Variants in DST observed in about 807,000 individuals in gnomAD.
DST encodes the protein bullous pemphigoid antigen.
In DST, 253 loss-of-function variants were observed where a neutral mutation model predicts 875.2. That is an observed-to-expected ratio of 0.29 (90% CI 0.26 to 0.32). The LOEUF is 0.32. DST is among the 10% of genes least tolerant of loss of function. DST has a pLI of 1.00. For synonymous variants in DST, 3,124 were observed against 3,197.1 expected (o/e 0.98, Z 0.77); for missense variants, 8,287 against 9,111.6 (o/e 0.91, Z 3.68).
intron 4 of DST, among the ~76,000 whole-genome samples, chr6:56,800,594 G>C (rs1011232727): frequency 2.0e-5 from 3 of 152,128 alleles, no homozygotes; most frequent in Non-Finnish European, 4.4e-5. Flanking sequence ...ATTAGGTTTT[G>C]TCTGGTGGAA....
intron 84 of DST, 22 bp downstream of exon 84, chr6:56,492,912 A>G (rs778772017): frequency 2.7e-6 from 4 of 1,504,262 alleles, no homozygotes; most frequent in Non-Finnish European, 3.5e-6. Context: ...AGAGAATCCT[A>G]TCTATTTGAC....
At chr6:56,705,576 C>A (rs571202352) in intron 5 of DST, among the ~76,000 whole-genome samples, 1 of 152,102 alleles carries the variant, frequency 6.6e-6, no homozygotes, top group Non-Finnish European at 1.5e-5. Flanking sequence ...TTTACAATAT[C>A]TTTTGTTAGT....
intron 27 of DST, among the ~76,000 whole-genome samples, chr6:56,633,600 A>G (rs1330681086): frequency 6.6e-6 from 1 of 151,650 alleles, no homozygotes; most frequent in Non-Finnish European, 1.5e-5. Context: ...CCCCAGGTCC[A>G]AGCAATTCTC....
In DST at chr6:56,490,609, T is replaced by G. The variant is rs16887940; in HGVS notation, c.20758-1000A>C. Among the ~76,000 whole-genome samples the G allele has an allele frequency of 9.5e-3, 1,438 of 152,086 alleles. 25 individuals are homozygous for G. The highest frequency in any genetic ancestry group is 0.032 in the African/African-American group (1,331 of 41,516). ...CTCACAACTTTAATCAATTAAAACA[T>G]GGAAAAATGGAAACTAGAATAGACA... On this transcript the variant is annotated intron_variant, in intron 85 of 103. Coordinates refer to ENST00000680361, the MANE Select transcript of DST (RefSeq NM_001374736.1).
chr6:56,642,531 G>C (rs1279767384), intron 15 of DST, 28 bp from the exon 16 acceptor site: 13 of 1,608,540 alleles, frequency 8.1e-6, no homozygotes, highest in African/African-American at 4.0e-5. Flanking sequence ...ATAAAATAAA[G>C]CTTCTCCCTT....
At chr6:56,801,025 G>GAAAAAA (rs34514599) in intron 4 of DST, among the ~76,000 whole-genome samples, 1 of 66,966 alleles carries the variant, frequency 1.5e-5, no homozygotes, top group South Asian at 5.7e-4. Flanking sequence ...GTCTCAGGGA[G>GAAAAAA]AAAAAAAAAA....
chr6:56,584,308 C>A (rs13194415), intron 49 of DST, among the ~76,000 whole-genome samples: 2 of 151,944 alleles, frequency 1.3e-5, no homozygotes, highest in Non-Finnish European at 2.9e-5. Context: ...AGGTCCTTCA[C>A]GTCCCTTGTA....
chr6:56,851,842 T>C, intron 3 of DST: 3 of 1,551,706 alleles, frequency 1.9e-6, no homozygotes, highest in Non-Finnish European at 2.6e-6. Flanking sequence ...GCAGTTTCAA[T>C]ACATGAAGAT....
intron 13 of DST, among the ~76,000 whole-genome samples, chr6:56,647,238 T>A (rs1428668465): frequency 6.6e-6 from 1 of 152,240 alleles, no homozygotes; most frequent in African/African-American, 2.4e-5. Flanking sequence ...AATACTCCTG[T>A]GTGCTAAACA....
chr6:56,635,826 A>G, intron 23 of DST, 112 bp from the exon 24 acceptor site: 2 of 1,131,526 alleles, frequency 1.8e-6, no homozygotes, highest in Non-Finnish European at 2.6e-6. Context: ...TGAGAAGAGA[A>G]TAAAAGCACA....
At chr6:56,889,349 T>C (rs1188938122) in intron 3 of DST, among the ~76,000 whole-genome samples, 1 of 152,204 alleles carries the variant, frequency 6.6e-6, no homozygotes, top group Non-Finnish European at 1.5e-5. Flanking sequence ...GTGCTTACCA[T>C]TTCAGAAAAG....
chr6:56,707,115 C>G (rs928751044), intron 5 of DST, among the ~76,000 whole-genome samples: 2 of 152,196 alleles, frequency 1.3e-5, no homozygotes, highest in African/African-American at 4.8e-5. Flanking sequence ...GCCCAATGCT[C>G]GCCTCCTACT....
chr6:56,853,849 A>C (rs1220293747), intron 3 of DST, among the ~76,000 whole-genome samples: 1 of 152,108 alleles, frequency 6.6e-6, no homozygotes, highest in Non-Finnish European at 1.5e-5. Context: ...GTAAACAGAT[A>C]AGAGAGAAAA....
At chr6:56,482,029 T>C (rs373641958) in intron 90 of DST, 21 bp downstream of exon 90, 65 of 1,608,724 alleles carry the variant, frequency 4.0e-5, no homozygotes, top group Non-Finnish European at 5.2e-5. Context: ...TAGCTTTACA[T>C]AGCATTTATA....
chr6:56,762,219 T>C (rs1284168059), intron 4 of DST, among the ~76,000 whole-genome samples: 1 of 152,028 alleles, frequency 6.6e-6, no homozygotes, highest in Non-Finnish European at 1.5e-5. Flanking sequence ...ACAGGGTTTC[T>C]CCATGTTGGT....
At chr6:56,711,692 A>C (rs1481017617) in intron 5 of DST, among the ~76,000 whole-genome samples, 1 of 152,210 alleles carries the variant, frequency 6.6e-6, no homozygotes, top group Non-Finnish European at 1.5e-5. Context: ...TCCACACTAC[A>C]ATGTCTAACA....
intron 10 of DST, among the ~76,000 whole-genome samples, chr6:56,666,827 C>T (rs546100057): frequency 4.6e-5 from 7 of 151,342 alleles, no homozygotes; most frequent in African/African-American, 1.5e-4. Context: ...CCTCGACCTC[C>T]TGGACTCAAG....
In DST at chr6:56,459,060, G is replaced by C. The variant is rs1242078669; in HGVS notation, c.23402C>G (p.Pro7801Arg). Residue 7801 changes from proline (P) to arginine (R), a missense_variant, in exon 104 of 104, where the codon CCC (proline) becomes CGC (arginine). Around this residue, in one of 10 missense-constraint regions of DST, gnomAD observed 240 missense variants for 237.3 expected, o/e 1.01. Coordinates refer to ENST00000680361, the MANE Select transcript of DST (RefSeq NM_001374736.1). ...GGCAGGTGATTTCCTCTGGGGCGTG[G>C]GGATTTTTGAAGGCTTCGCTGTGGA... Reference protein sequence around the residue: ...RPSTAKPSKIPTPQRKSPASK... With the variant: ...RPSTAKPSKIRTPQRKSPASK... 1.2e-6 allele frequency: 2 copies of C among 1,613,984 alleles called. No individual in the cohort carries two copies. The highest frequency in any genetic ancestry group is 2.2e-5 in the South Asian group (2 of 91,068).
chr6:56,575,079 A>G (rs1462648265), intron 50 of DST, among the ~76,000 whole-genome samples: 2 of 152,196 alleles, frequency 1.3e-5, no homozygotes, highest in East Asian at 1.9e-4. Context: ...CTAAAACTCA[A>G]TGAAGCCCAT....
Sources: gnomAD v4.1 joint callset for allele counts (sites outside exome capture counted in the v4.1 genomes callset) on GRCh38, gnomAD v4.1.1 for gene constraint, gnomAD v4.1.1 regional missense constraint, MANE v1.5 for transcripts, NCBI Gene and HGNC (gene_info 2026-07-23, HGNC 2026-07-21) for gene names.